Variants in MLLT6 observed in about 807,000 individuals in gnomAD.
The protein encoded by MLLT6 is MLLT6, PHD finger containing.
A neutral mutation model predicts 103.0 loss-of-function variants in MLLT6; 22 were observed. The observed-to-expected ratio is 0.21, with a 90% confidence interval of 0.15 to 0.31. The LOEUF is 0.31. Among genes scored for constraint, MLLT6 ranks in the 10% least tolerant of loss-of-function variants. The probability of loss-of-function intolerance (pLI) is 1.00; values close to 1 mark genes in which losing one functional copy is unlikely to be tolerated. For missense variants in MLLT6, 1,199 were observed against 1,441.7 expected (o/e 0.83, Z 2.73); for synonymous variants, 606 against 623.5 (o/e 0.97, Z 0.42).
intron 7 of MLLT6, among the ~76,000 whole-genome samples, chr17:38,712,428 C>G (rs1042106888): frequency 6.6e-6 from 1 of 152,224 alleles, no homozygotes. Context: ...GTGTTATGTT[C>G]ACGCGCGTGG....
chr17:38,707,649 G>T, intron 3 of MLLT6, 109 bp downstream of exon 3: 12 of 1,308,158 alleles, frequency 9.2e-6, no homozygotes, highest in Non-Finnish European at 1.3e-5. Flanking sequence ...CCTGGCTGGC[G>T]CTGGAATCTG....
At chr17:38,720,047 CCAGGCCA>C (rs1905617622) in intron 14 of MLLT6, 152 bp downstream of exon 14, 6 of 1,145,624 alleles carry the variant, frequency 5.2e-6, no homozygotes, top group African/African-American at 1.6e-5. Context: ...CCCATCCCTG[CCAGGCCA>C]CACGACCGGC....
At position 38,705,382 on chromosome 17, in the gene MLLT6, G is replaced by GT. The variant is rs1397097156; in HGVS notation, c.-250dup. ...AGCCCGGCGTGCGAGTCTCATTGTT[G>GT]TGGGGGGGGCCCGTCGGGGCATGAG... On this transcript the variant is annotated 5_prime_UTR_variant, in exon 1 of 20. Coordinates refer to ENST00000621332, the MANE Select transcript of MLLT6 (RefSeq NM_005937.4). 6.9e-6 allele frequency among the ~76,000 whole-genome samples: 1 copy of GT among 145,588 alleles called. No homozygotes were observed. Among genetic ancestry groups the GT allele is most frequent in the Non-Finnish European group, 1.6e-5 (1 of 64,244 alleles).
At position 38,705,656 on chromosome 17, in the gene MLLT6, C is replaced by T. The variant is rs1904874070; in HGVS notation, c.24C>T (p.Cys8=). ...GTATGAAGGAGATGGTAGGAGGCTGCTGCGTATGTTCGGACGAGAGGGGCT... is the reference window on the plus strand; with the variant it reads ...GTATGAAGGAGATGGTAGGAGGCTGTTGCGTATGTTCGGACGAGAGGGGCT... MKEMVGG[C]CVCSDERGWA... The change falls in exon 1 of 20, where the codon TGC becomes TGT. Residue 8 remains cysteine (C), a synonymous_variant. Coordinates refer to ENST00000621332, the MANE Select transcript of MLLT6 (RefSeq NM_005937.4). 2.6e-6 allele frequency: 4 copies of T among 1,540,186 alleles called. No homozygotes were observed. Among genetic ancestry groups the T allele is most frequent in the Non-Finnish European group, 3.5e-6 (4 of 1,138,796 alleles).
chr17:38,720,627 C>G, intron 15 of MLLT6, 32 bp from the exon 16 acceptor site: 1 of 1,613,342 alleles, frequency 6.2e-7, no homozygotes, highest in Non-Finnish European at 8.5e-7. Context: ...CCGGACTGGC[C>G]CTGACTGCAG....
chr17:38,705,582 AC>A lies in MLLT6; in HGVS notation c.-46del, dbSNP rs779331383. On this transcript the variant is annotated 5_prime_UTR_variant, in exon 1 of 20. Coordinates refer to ENST00000621332, the MANE Select transcript of MLLT6 (RefSeq NM_005937.4). ...CTCCCTCCCTCCCCCCTGACCCCCG[AC>A]CCCCGCCGGCCGGCCCCCCGCCCCA... The A allele has an allele frequency of 2.3e-5, 5 of 216,600 alleles. No individual in the cohort carries two copies. The East Asian group carries it at 6.4e-4, about 28-fold the overall frequency. 13.4% of individuals were successfully genotyped at this position (216,600 alleles called of 1,614,324 possible).
rs1439459919 is a variant in MLLT6, at chr17:38,709,468, C to T, written c.459-14C>T. ...CTGTGGCCTCAGCCGTCTCAGGCTG[C>T]CTTCTCTGGTTAGTGCCCAAATGGC... On this transcript the variant is annotated splice_polypyrimidine_tract_variant and intron_variant, in intron 5 of 19. Transcript: ENST00000621332. This position sits in a 1 kb window ranked among gnomAD's most constrained non-coding sequence, Gnocchi z 4.3. 1 of 1,611,178 alleles carries T rather than the reference C, an allele frequency of 6.2e-7. No individual in the cohort carries two copies.
Position 38,720,710 on chromosome 17 carries a change from G to C in MLLT6, c.2405G>C (p.Ser802Thr). Reference sequence around the variant, plus strand: ...AGCAAGAGCCCTCCGGGAAAGAGCAGCCTCGGCCTGGACAACTCGCTGTCC... The same window carrying C: ...AGCAAGAGCCCTCCGGGAAAGAGCACCCTCGGCCTGGACAACTCGCTGTCC... ...STSKSPPGKS[S>T]LGLDNSLSTS... Residue 802 changes from serine to threonine, a missense_variant, in exon 16 of 20, where the codon AGC becomes ACC. By Grantham distance (58) the Ser-to-Thr change is moderately conservative. Around this residue, in one of 7 missense-constraint regions of MLLT6, gnomAD observed 1,034 missense variants for 1,091.5 expected, o/e 0.95. Transcript: ENST00000621332. The C allele has an allele frequency of 6.2e-7, 1 of 1,613,914 alleles. No individual in the cohort carries two copies. The highest frequency in any genetic ancestry group is 1.3e-5 in the African/African-American group (1 of 75,070).
rs558699508 is a variant in MLLT6, at chr17:38,707,988, G to A, written c.354+116G>A. 7 of 729,798 alleles carry A rather than the reference G, an allele frequency of 9.6e-6. No homozygotes were observed. In the East Asian group the frequency reaches 1.9e-4, roughly 20 times the overall value. The allele number at this position is 729,798 out of a possible 1,614,324, so 45.2% of individuals were successfully genotyped here. On this transcript the variant is annotated intron_variant, in intron 4 of 19. Transcript: ENST00000621332. The stretch of plus-strand genomic sequence containing the variant: ...CCAACGAGCACTGAAAGGGAACTTG[G>A]GAGGTGGGTAGGTACCTACCAGTGA...
intron 1 of MLLT6, 91 bp from the exon 2 acceptor site, chr17:38,706,859 A>G (rs971132685): frequency 1.9e-5 from 20 of 1,056,970 alleles, no homozygotes; most frequent in Non-Finnish European, 2.8e-5. Context: ...AACTGGCTCT[A>G]GTCCTTTGGA....
intron 14 of MLLT6, 128 bp downstream of exon 14, chr17:38,720,023 C>A: frequency 1.5e-6 from 2 of 1,307,238 alleles, no homozygotes; most frequent in Non-Finnish European, 2.0e-6. Flanking sequence ...TCTCGGCCAC[C>A]CCGGGCCTCA....
At position 38,725,573 on chromosome 17, in the gene MLLT6, C is replaced by A; in HGVS notation, c.3257C>A (p.Ala1086Asp). ...GPKGGTADKG[A>D]SANQEKG ...TCTTTCCAGACCGCTGACAAAGGAG[C>A]CTCAGCCAACCAGGAAAAAGGCTAA... is the stretch of plus-strand genomic sequence containing the variant. The change falls in exon 20 of 20, where the codon GCC becomes GAC. Residue 1086 changes from alanine to aspartate, a missense_variant. This residue lies in a region of MLLT6 where 55 missense variants were observed against 93.3 expected (regional missense o/e 0.59). Coordinates refer to ENST00000621332, the MANE Select transcript of MLLT6 (RefSeq NM_005937.4). 6.2e-7 allele frequency: 1 copy of A among 1,602,126 alleles called. No homozygotes were observed.
chr17:38,707,697 G>A, intron 3 of MLLT6, 66 bp from the exon 4 acceptor site: 4 of 1,195,290 alleles, frequency 3.3e-6, no homozygotes, highest in Non-Finnish European at 5.0e-6. Context: ...TCTGCAGCGT[G>A]GGGTCATAAG....
chr17:38,705,653 C>A lies in MLLT6; in HGVS notation c.21C>A (p.Gly7=). The change falls in exon 1 of 20, where the codon GGC becomes GGA. Residue 7 remains glycine (G), a synonymous_variant. Transcript: ENST00000621332. MKEMVG[G]CCVCSDERGW... is the part of the protein sequence containing the mutation. ...GGAGTATGAAGGAGATGGTAGGAGG[C>A]TGCTGCGTATGTTCGGACGAGAGGG... The A allele has an allele frequency of 2.0e-6, 3 of 1,518,504 alleles. No homozygotes were observed. The highest frequency in any genetic ancestry group is 2.7e-6 in the Non-Finnish European group (3 of 1,125,278). The allele number at this position is 1,518,504 out of a possible 1,614,324, so 94.1% of individuals were successfully genotyped here. A position where few individuals can be genotyped will look rare whatever the true frequency, so the allele number is the denominator to read the frequency against.
intron 17 of MLLT6, 103 bp downstream of exon 17, chr17:38,722,330 G>A: frequency 1.1e-6 from 1 of 910,846 alleles, no homozygotes; most frequent in Non-Finnish European, 1.5e-6. Context: ...AAGGAAAAAT[G>A]GCCTCTGGTC....
At chr17:38,707,695 G>C in intron 3 of MLLT6, 68 bp from the exon 4 acceptor site, 1 of 1,225,216 alleles carries the variant, frequency 8.2e-7, no homozygotes, top group Non-Finnish European at 1.2e-6. Context: ...AGTCTGCAGC[G>C]TGGGGTCATA....
chr17:38,705,780 G>A (rs886289723), intron 1 of MLLT6, 39 bp downstream of exon 1: 1 of 1,078,954 alleles, frequency 9.3e-7, no homozygotes, highest in African/African-American at 1.7e-5. Context: ...GGACCCCGGG[G>A]GCGGCGTGCG....
Position 38,727,954 on chromosome 17 carries a change from G to GT in MLLT6, c.*2357dup, listed in dbSNP as rs2143722859. 1 of 233,336 alleles carries GT rather than the reference G, an allele frequency of 4.3e-6. No homozygotes were observed. The highest frequency in any genetic ancestry group is 5.6e-5 in the Admixed American group (1 of 17,796). The allele number at this position is 233,336 out of a possible 1,614,324, so 14.5% of individuals were successfully genotyped here. The stretch of plus-strand genomic sequence containing the variant: ...TACCCCGAGGTTGCCATGTTGAAGA[G>GT]TGAGAGGTCCAAGTGATTCTGTGCA... On this transcript the variant is annotated 3_prime_UTR_variant, in exon 20 of 20. Coordinates refer to ENST00000621332, the MANE Select transcript of MLLT6 (RefSeq NM_005937.4).
At position 38,716,728 on chromosome 17, in the gene MLLT6, G is replaced by C; in HGVS notation, c.1398G>C (p.Lys466Asn). ...DETPETGLKE[K>N]KHKASKRSRH... Reference sequence around the variant, plus strand: ...CCCCTGAGACAGGCCTGAAGGAGAAGAAGCACAAAGCCAGCAAGAGGAGCC... The same window carrying C: ...CCCCTGAGACAGGCCTGAAGGAGAACAAGCACAAAGCCAGCAAGAGGAGCC... The change falls in exon 10 of 20, where the codon AAG (lysine) becomes AAC (asparagine). Residue 466 changes from lysine to asparagine, a missense_variant. This residue lies in a region of MLLT6 where 1,034 missense variants were observed against 1,091.5 expected (regional missense o/e 0.95). Coordinates refer to ENST00000621332, the MANE Select transcript of MLLT6 (RefSeq NM_005937.4). This position sits in a 1 kb window ranked among gnomAD's most constrained non-coding sequence, Gnocchi z 5.6. 1.2e-6 allele frequency: 2 copies of C among 1,609,938 alleles called. No individual in the cohort carries two copies. The highest frequency in any genetic ancestry group is 1.1e-5 in the South Asian group (1 of 90,610).
Sources: gnomAD v4.1 joint callset for allele counts (sites outside exome capture counted in the v4.1 genomes callset) on GRCh38, gnomAD v4.1.1 for gene constraint, gnomAD v4.1.1 regional missense constraint, Gnocchi (gnomAD v3.1) non-coding constraint, MANE v1.5 for transcripts, NCBI Gene and HGNC (gene_info 2026-07-23, HGNC 2026-07-21) for gene names.